Variants in PCDHA3 observed in about 807,000 individuals in gnomAD.
PCDHA3 encodes protocadherin alpha 3.
Under a neutral mutation model 62.2 loss-of-function variants are expected in PCDHA3, and 41 were observed. The ratio of observed to expected loss-of-function variants is 0.66; its 90% CI spans 0.51 to 0.86. PCDHA3 has a LOEUF of 0.86. PCDHA3 is among the 40% of genes least tolerant of loss of function. The pLI, the probability that PCDHA3 is intolerant of heterozygous loss-of-function variation, is 0.00. For missense variants in PCDHA3, 1,304 were observed against 1,241.2 expected, an observed-to-expected ratio of 1.05 and a Z score of -0.76; for synonymous variants, 640 against 555.4, an observed-to-expected ratio of 1.15 and a Z score of -2.14.
chr5:140,935,995 C>G (rs1282709145), intron 1 of PCDHA3, among the ~76,000 whole-genome samples: 1 of 150,774 alleles, frequency 6.6e-6, no homozygotes, highest in African/African-American at 2.4e-5. Context: ...CGGGTTCAAG[C>G]GATTCTCCCA....
At chr5:140,866,376 CA>C (rs2049320172) in intron 1 of PCDHA3, 1 of 152,074 alleles carries the variant, frequency 6.6e-6, no homozygotes, top group South Asian at 2.1e-4. Flanking sequence ...ACTTCAATAA[CA>C]ATTTTAAAGA....
chr5:140,929,931 A>G (rs2086483535), intron 1 of PCDHA3: 1 of 152,250 alleles, frequency 6.6e-6, no homozygotes, highest in Non-Finnish European at 1.5e-5. Flanking sequence ...AAAACAGTGT[A>G]TTCTCTAGCC....
rs782295263 is a variant in PCDHA3, at chr5:140,801,949, T to C, written c.752T>C (p.Leu251Ser). Reference protein sequence around the residue: ...AFERTIYKVRLLENAPNGTLV... With the variant: ...AFERTIYKVRSLENAPNGTLV... ...GAGAGGACGATCTATAAAGTCAGAT[T>C]ACTCGAAAATGCACCAAATGGTACC... The change falls in exon 1 of 4, where the codon TTA (leucine) becomes TCA (serine). Residue 251 changes from leucine (L) to serine (S), a missense_variant. Leu to Ser is a moderately radical substitution (Grantham distance 145). Transcript: ENST00000522353. 2.5e-6 allele frequency: 4 copies of C among 1,614,048 alleles called. No individual in the cohort carries two copies. Among genetic ancestry groups the C allele is most frequent in the East Asian group, 2.2e-5 (1 of 44,896 alleles).
At chr5:140,907,995 C>T (rs1441720086) in intron 1 of PCDHA3, among the ~76,000 whole-genome samples, 9 of 152,166 alleles carry the variant, frequency 5.9e-5, no homozygotes, top group African/African-American at 1.9e-4. Flanking sequence ...AGTCCTTAAC[C>T]ATCCAGCCAA....
At chr5:140,986,371 G>C (rs1453761888) in intron 3 of PCDHA3, among the ~76,000 whole-genome samples, 1 of 152,116 alleles carries the variant, frequency 6.6e-6, no homozygotes, top group Non-Finnish European at 1.5e-5. Flanking sequence ...AATGCGTTTT[G>C]GGGGGAGGGA....
At chr5:140,932,538 T>C (rs538830618) in intron 1 of PCDHA3, among the ~76,000 whole-genome samples, 1 of 152,036 alleles carries the variant, frequency 6.6e-6, no homozygotes, top group South Asian at 2.1e-4. Context: ...CAAGGTGCTT[T>C]ATTTAACATA....
intron 1 of PCDHA3, chr5:140,853,873 G>T (rs1238273560): frequency 1.0e-6 from 1 of 983,500 alleles, no homozygotes; most frequent in Non-Finnish European, 1.2e-6. Context: ...GACAGTGCAA[G>T]TTTCTGTAAT....
intron 3 of PCDHA3, among the ~76,000 whole-genome samples, chr5:140,988,509 TA>T (rs2097301045): frequency 6.6e-6 from 1 of 152,170 alleles, no homozygotes; most frequent in Non-Finnish European, 1.5e-5. Flanking sequence ...CCATGAAGCT[TA>T]CTTAAGTCTC....
intron 1 of PCDHA3, chr5:140,855,953 T>TA (rs2043692800): frequency 2.2e-6 from 3 of 1,381,096 alleles, no homozygotes; most frequent in Admixed American, 4.7e-5. Flanking sequence ...GCCATTTCGA[T>TA]AAAAAATAGA....
chr5:140,961,549 T>C (rs782360372), intron 1 of PCDHA3, among the ~76,000 whole-genome samples: 3 of 152,220 alleles, frequency 2.0e-5, no homozygotes, highest in Non-Finnish European at 4.4e-5. Flanking sequence ...CTGCAGCATT[T>C]CTTTTTTTAA....
intron 1 of PCDHA3, among the ~76,000 whole-genome samples, chr5:140,937,106 C>G (rs2091337574): frequency 6.7e-6 from 1 of 149,110 alleles, no homozygotes; most frequent in African/African-American, 2.5e-5. Context: ...GGCGCAGTCT[C>G]GGCTCACTGC....
chr5:140,809,581 A>G (rs1764501177), intron 1 of PCDHA3: 1 of 1,552,852 alleles, frequency 6.4e-7, no homozygotes, highest in Non-Finnish European at 8.7e-7. Context: ...AGGTTAGTGT[A>G]TAACATCCTT....
At chr5:140,941,244 T>TTTCG (rs2092953100) in intron 1 of PCDHA3, among the ~76,000 whole-genome samples, 1 of 141,602 alleles carries the variant, frequency 7.1e-6, no homozygotes, top group South Asian at 2.3e-4. Context: ...TCTTTCTTTC[T>TTTCG]TTCTTTCTTT....
In PCDHA3 at chr5:140,986,535, G is replaced by A. The variant is rs552843991; in HGVS notation, c.2542+3972G>A. Among the ~76,000 whole-genome samples, 134 of 152,300 alleles carry A rather than the reference G, an allele frequency of 8.8e-4. 1 individual carries two copies. Among genetic ancestry groups the A allele is most frequent in the Non-Finnish European group, 1.4e-3 (98 of 68,024 alleles). Reference sequence around the variant, plus strand: ...CCCTGCCTGTGAGGGAACTGGCCTGGCTTCAGTGGGCCAGGCTGCTTTGTT... The same window carrying A: ...CCCTGCCTGTGAGGGAACTGGCCTGACTTCAGTGGGCCAGGCTGCTTTGTT... On this transcript the variant is annotated intron_variant, in intron 3 of 3. Transcript: ENST00000522353.
intron 1 of PCDHA3, chr5:140,824,263 T>G (rs2150133748): frequency 3.2e-5 from 41 of 1,289,644 alleles, no homozygotes; most frequent in Non-Finnish European, 4.4e-5. Context: ...TTGCACTAAT[T>G]CATGTATTAT....
At chr5:140,860,192 C>CATATATATATATATATATATATATAT (rs143984774) in intron 1 of PCDHA3, 76 of 146,806 alleles carry the variant, frequency 5.2e-4, no homozygotes, top group Middle Eastern at 3.6e-3. Flanking sequence ...GCTCTCCTTA[C>CATATATATATATATATATATATATAT]ATATATATCT....
chr5:140,985,273 T>C (rs1554246915), intron 3 of PCDHA3, among the ~76,000 whole-genome samples: 1 of 152,178 alleles, frequency 6.6e-6, no homozygotes, highest in African/African-American at 2.4e-5. Context: ...GGACTACTTT[T>C]CTGCAATCTA....
chr5:140,875,961 C>G, intron 1 of PCDHA3: 1 of 1,614,004 alleles, frequency 6.2e-7, no homozygotes, highest in Non-Finnish European at 8.5e-7. Flanking sequence ...CGGATATCGG[C>G]GTAAACTCTC....
At chr5:140,877,067 A>C in intron 1 of PCDHA3, 4 of 1,613,082 alleles carry the variant, frequency 2.5e-6, no homozygotes, top group Non-Finnish European at 3.4e-6. Context: ...GAGCTGCTGC[A>C]GTTCCAGGTG....
Sources: gnomAD v4.1 joint callset for allele counts (sites outside exome capture counted in the v4.1 genomes callset) on GRCh38, gnomAD v4.1.1 for gene constraint, MANE v1.5 for transcripts, NCBI Gene and HGNC (gene_info 2026-07-23, HGNC 2026-07-21) for gene names.